Variants in SLC15A5 observed in about 807,000 individuals in gnomAD.
SLC15A5 encodes the protein solute carrier family 15 member 5.
A neutral mutation model predicts 56.1 loss-of-function variants in SLC15A5; 58 were observed. That is an observed-to-expected ratio of 1.03 (90% CI 0.84 to 1.29). SLC15A5 has a LOEUF of 1.29. SLC15A5 is among the 50% of genes most tolerant of loss of function. The pLI is 0.00. For missense variants in SLC15A5, 681 were observed against 672.1 expected (o/e 1.01, Z -0.15); for synonymous variants, 264 against 250.5 (o/e 1.05, Z -0.51).
intron 6 of SLC15A5, among the ~76,000 whole-genome samples, chr12:16,219,990 T>C (rs943747875): frequency 1.3e-5 from 2 of 152,138 alleles, no homozygotes; most frequent in Admixed American, 6.6e-5. Context: ...CTTCAAAATA[T>C]AGGGCCATAA....
chr12:16,198,109 C>G (rs117239506), intron 7 of SLC15A5, among the ~76,000 whole-genome samples: 1 of 152,124 alleles, frequency 6.6e-6, no homozygotes, highest in Admixed American at 6.6e-5. Context: ...TTAATACTTT[C>G]ATAATATAAC....
intron 2 of SLC15A5, among the ~76,000 whole-genome samples, chr12:16,270,181 G>A (rs1180847104): frequency 6.6e-6 from 1 of 152,144 alleles, no homozygotes; most frequent in Non-Finnish European, 1.5e-5. Flanking sequence ...ACTCGGAAGT[G>A]GTGCTTTCAG....
At chr12:16,234,947 A>G (rs139947282) in intron 5 of SLC15A5, among the ~76,000 whole-genome samples, 150 of 152,252 alleles carry the variant, frequency 9.9e-4, no homozygotes, top group African/African-American at 3.4e-3. Flanking sequence ...AGTTTCTGAT[A>G]TGTAAGCTCA....
chr12:16,268,948 T>C (rs1818021), intron 2 of SLC15A5, among the ~76,000 whole-genome samples: 66,768 of 151,790 alleles, frequency 0.44, 15,418 homozygotes, highest in Middle Eastern at 0.51. Flanking sequence ...CTTTTGCTCA[T>C]AGGGGTGGAA....
At chr12:16,214,614 G>A (rs998570475) in intron 7 of SLC15A5, among the ~76,000 whole-genome samples, 1 of 152,150 alleles carries the variant, frequency 6.6e-6, no homozygotes, top group Non-Finnish European at 1.5e-5. Flanking sequence ...CTGAAGCTCA[G>A]GTGAGCTCAC....
At chr12:16,191,571 G>A (rs1863838555) in intron 8 of SLC15A5, among the ~76,000 whole-genome samples, 1 of 152,062 alleles carries the variant, frequency 6.6e-6, no homozygotes, top group South Asian at 2.1e-4. Flanking sequence ...TTTCAATAAT[G>A]CTGTCCCTGG....
intron 7 of SLC15A5, among the ~76,000 whole-genome samples, chr12:16,210,174 C>T (rs1864064909): frequency 6.6e-6 from 1 of 152,138 alleles, no homozygotes; most frequent in Non-Finnish European, 1.5e-5. Context: ...CCTAGGCTTA[C>T]CAAGCTAAAT....
chr12:16,265,459 A>T (rs1010227608), intron 2 of SLC15A5, among the ~76,000 whole-genome samples: 3 of 152,044 alleles, frequency 2.0e-5, no homozygotes, highest in Non-Finnish European at 4.4e-5. Flanking sequence ...TTTCTTGAAT[A>T]TTCTGCTTGT....
At chr12:16,239,941 C>A (rs1037172964) in intron 4 of SLC15A5, 74 bp from the exon 5 acceptor site, 45 of 1,342,840 alleles carry the variant, frequency 3.4e-5, no homozygotes, top group Non-Finnish European at 4.1e-5. Flanking sequence ...CCACCAGAGG[C>A]CTACCCTCTT....
intron 7 of SLC15A5, among the ~76,000 whole-genome samples, chr12:16,212,956 A>T (rs577750141): frequency 6.6e-6 from 1 of 152,210 alleles, no homozygotes; most frequent in Non-Finnish European, 1.5e-5. Context: ...AATTAAAAAA[A>T]GTTTCAAATT....
chr12:16,214,911 G>GA (rs1864115124), intron 7 of SLC15A5, among the ~76,000 whole-genome samples: 1 of 151,948 alleles, frequency 6.6e-6, no homozygotes, highest in African/African-American at 2.4e-5. Flanking sequence ...TATCTACAGT[G>GA]AGGGTAGTCT....
At chr12:16,202,107 A>T (rs1581606) in intron 7 of SLC15A5, among the ~76,000 whole-genome samples, 79,622 of 152,010 alleles carry the variant, frequency 0.52, 21,282 homozygotes, top group South Asian at 0.73. Context: ...ACAAATGAGA[A>T]TGTGTCAGAC....
chr12:16,225,049 A>G (rs1864227613), intron 5 of SLC15A5, among the ~76,000 whole-genome samples: 1 of 152,138 alleles, frequency 6.6e-6, no homozygotes, highest in Non-Finnish European at 1.5e-5. Context: ...CCTACAAAGG[A>G]CATGAACCCA....
chr12:16,215,152 G>A (rs980369354), intron 7 of SLC15A5, among the ~76,000 whole-genome samples: 6 of 144,316 alleles, frequency 4.2e-5, no homozygotes, highest in African/African-American at 1.6e-4. Context: ...GCAGTGGGCC[G>A]AGATCGTGCC....
intron 5 of SLC15A5, among the ~76,000 whole-genome samples, chr12:16,231,178 A>G (rs1476566496): frequency 6.6e-6 from 1 of 152,226 alleles, no homozygotes; most frequent in African/African-American, 2.4e-5. Context: ...CAGATTTAGA[A>G]TACTTTTAAG....
rs1379286896 is a variant in SLC15A5, at chr12:16,272,740, G to T, written c.405C>A (p.Phe135Leu). Residue 135 changes from phenylalanine (F) to leucine (L), a missense_variant, in exon 2 of 9, where the codon TTC becomes TTA. Phe to Leu is a conservative substitution (Grantham distance 22). Transcript: ENST00000344941. ...LSVVAFPLED[F>L]YLGTYHAVNN... ...TAACTGCATGGTAAGTGCCCAGATA[G>T]AAATCTTCCAAGGGAAAAGCCACCA... 6 of 1,537,190 alleles carry T rather than the reference G, an allele frequency of 3.9e-6. No homozygotes were observed. Among genetic ancestry groups the T allele is most frequent in the Non-Finnish European group, 5.2e-6 (6 of 1,146,712 alleles).
At chr12:16,268,687 C>T (rs893103598) in intron 2 of SLC15A5, among the ~76,000 whole-genome samples, 1 of 151,998 alleles carries the variant, frequency 6.6e-6, no homozygotes, top group African/African-American at 2.4e-5. Flanking sequence ...CAGAAAGTTC[C>T]AAAGCAGTCT....
At position 16,269,379 on chromosome 12, in the gene SLC15A5, C is replaced by T. The variant is rs1327295555; in HGVS notation, c.584+3182G>A. ...CTTTAAAAAATCCTGGTCCCTGGAT[C>T]CTACCTCTAACCAATGTAATCAGAA... On this transcript the variant is annotated intron_variant, in intron 2 of 8. Transcript: ENST00000344941. This position sits in a 1 kb window ranked among gnomAD's most constrained non-coding sequence, Gnocchi z 4.7. Among the ~76,000 whole-genome samples the T allele has an allele frequency of 6.6e-6, 1 of 152,142 alleles. No homozygotes were observed. Among genetic ancestry groups the T allele is most frequent in the African/African-American group, 2.4e-5 (1 of 41,430 alleles).
intron 2 of SLC15A5, among the ~76,000 whole-genome samples, chr12:16,263,327 A>G (rs1211497149): frequency 2.0e-5 from 3 of 152,136 alleles, no homozygotes; most frequent in Non-Finnish European, 4.4e-5. Flanking sequence ...AGATTTGTGG[A>G]ACTTTGAACT....
Sources: gnomAD v4.1 joint callset for allele counts (sites outside exome capture counted in the v4.1 genomes callset) on GRCh38, gnomAD v4.1.1 for gene constraint, Gnocchi (gnomAD v3.1) non-coding constraint, MANE v1.5 for transcripts, NCBI Gene and HGNC (gene_info 2026-07-23, HGNC 2026-07-21) for gene names.